ZMIZ1: variants seen among roughly 807,000 people sequenced by gnomAD.
ZMIZ1 encodes the protein zinc finger MIZ domain-containing protein 1.
A neutral mutation model predicts 113.9 loss-of-function variants in ZMIZ1; 17 were observed. That is an observed-to-expected ratio of 0.15 (90% confidence interval 0.10 to 0.22). The LOEUF (loss-of-function observed/expected upper bound fraction) is 0.22. ZMIZ1 is among the 10% of genes least tolerant of loss of function. ZMIZ1 has a pLI of 1.00. For synonymous variants in ZMIZ1, 607 were observed against 603.1 expected (o/e 1.01, Z -0.09); for missense variants, 1,059 against 1,477.8 (o/e 0.72, Z 4.65).
Position 79,122,009 on chromosome 10 carries a change from T to C in ZMIZ1, c.-227+2985T>C, listed in dbSNP as rs80197379. Reference sequence around the variant, plus strand: ...TAAATGAAAATGCAGAGCCCTTTGTTCATGAATTACAAAGGATTTCAAGAT... The same window carrying C: ...TAAATGAAAATGCAGAGCCCTTTGTCCATGAATTACAAAGGATTTCAAGAT... On this transcript the variant is annotated intron_variant, in intron 2 of 24. Transcript: ENST00000334512. 5.5e-3 allele frequency among the ~76,000 whole-genome samples: 840 copies of C among 151,530 alleles called. 6 individuals carry two copies. The highest frequency in any genetic ancestry group is 9.4e-3 in the Non-Finnish European group (638 of 67,780).
chr10:79,298,261 A>T, intron 14 of ZMIZ1, 145 bp from the exon 15 acceptor site: 1 of 930,712 alleles, frequency 1.1e-6, no homozygotes, highest in Non-Finnish European at 1.6e-6. Flanking sequence ...GAGATCTGCG[A>T]GAGAGAAGAG....
intron 7 of ZMIZ1, among the ~76,000 whole-genome samples, chr10:79,269,184 G>A (rs1053118282): frequency 6.6e-6 from 1 of 152,096 alleles, no homozygotes; most frequent in Non-Finnish European, 1.5e-5. Flanking sequence ...GCGGAGTGGC[G>A]CCACTCTCAC....
chr10:79,070,712 C>A (rs1842242850), intron 1 of ZMIZ1, among the ~76,000 whole-genome samples: 1 of 152,098 alleles, frequency 6.6e-6, no homozygotes, highest in African/African-American at 2.4e-5. Flanking sequence ...CCTTGCCTGA[C>A]CGGGGAGGCC....
chr10:79,102,506 G>A (rs1278285072), intron 1 of ZMIZ1, among the ~76,000 whole-genome samples: 1 of 152,226 alleles, frequency 6.6e-6, no homozygotes, highest in Non-Finnish European at 1.5e-5. Context: ...GGCTGCCCAG[G>A]GCCAGGAGCT....
intron 7 of ZMIZ1, among the ~76,000 whole-genome samples, chr10:79,265,835 T>C (rs1240159675): frequency 6.6e-6 from 1 of 152,196 alleles, no homozygotes; most frequent in Admixed American, 6.5e-5. Context: ...CTCAGAGTCC[T>C]GCAAGCATCG....
intron 4 of ZMIZ1, among the ~76,000 whole-genome samples, chr10:79,175,583 C>CGTGTGTGTGTGT (rs757004699): frequency 5.0e-4 from 63 of 125,378 alleles, no homozygotes; most frequent in African/African-American, 1.9e-3. Flanking sequence ...GTGCACTCTG[C>CGTGTGTGTGTGT]GTGTGTGTGT....
At chr10:79,208,814 A>C (rs902805936) in intron 6 of ZMIZ1, among the ~76,000 whole-genome samples, 1 of 152,170 alleles carries the variant, frequency 6.6e-6, no homozygotes, top group Non-Finnish European at 1.5e-5. Context: ...CTTAGCAAAC[A>C]TGTATGGAGC....
chr10:79,306,025 G>A (rs1350286866), intron 21 of ZMIZ1, 75 bp from the exon 22 acceptor site: 2 of 1,558,274 alleles, frequency 1.3e-6, no homozygotes, highest in Non-Finnish European at 1.7e-6. Context: ...CTGGGTGTCT[G>A]TCGGAGCTGG....
intron 9 of ZMIZ1, 49 bp from the exon 10 acceptor site, chr10:79,290,910 A>T (rs1284653740): frequency 6.2e-7 from 1 of 1,601,244 alleles, no homozygotes; most frequent in Non-Finnish European, 8.5e-7. Flanking sequence ...CTTCCTCTCC[A>T]CACTGCCTCG....
intron 7 of ZMIZ1, among the ~76,000 whole-genome samples, chr10:79,265,188 T>C (rs1052608573): frequency 6.6e-6 from 1 of 151,318 alleles, no homozygotes; most frequent in Non-Finnish European, 1.5e-5. Flanking sequence ...GTGCGAGGAG[T>C]GTTCCTAGAG....
At chr10:79,257,026 A>C (rs1850953519) in intron 7 of ZMIZ1, among the ~76,000 whole-genome samples, 1 of 152,166 alleles carries the variant, frequency 6.6e-6, no homozygotes, top group East Asian at 1.9e-4. Flanking sequence ...GCCTCCCCAG[A>C]CCCACATGAG....
chr10:79,233,837 C>T (rs77839884), intron 7 of ZMIZ1, among the ~76,000 whole-genome samples: 2 of 152,358 alleles, frequency 1.3e-5, no homozygotes, highest in South Asian at 4.1e-4. Flanking sequence ...AGTTTCCCCT[C>T]CTAGCTGCAG....
chr10:79,238,374 G>T (rs549142559), intron 7 of ZMIZ1, among the ~76,000 whole-genome samples: 2 of 152,174 alleles, frequency 1.3e-5, no homozygotes, highest in Admixed American at 1.3e-4. Context: ...TGGAGGATAC[G>T]CCCAGGAAGG....
intron 7 of ZMIZ1, among the ~76,000 whole-genome samples, chr10:79,269,050 T>C (rs4980055): frequency 0.19 from 28,190 of 151,886 alleles, 4,521 homozygotes; most frequent in African/African-American, 0.43. Context: ...TTCTAGTGGA[T>C]GTGGGAGCAG....
At chr10:79,173,816 C>T (rs567551985) in intron 4 of ZMIZ1, among the ~76,000 whole-genome samples, 11 of 152,254 alleles carry the variant, frequency 7.2e-5, no homozygotes, top group South Asian at 2.1e-4. Flanking sequence ...GTAATATGCT[C>T]GTGATCACAC....
chr10:79,234,264 G>A (rs12254349), intron 7 of ZMIZ1, among the ~76,000 whole-genome samples: 2,901 of 152,288 alleles, frequency 0.019, 50 homozygotes, highest in African/African-American at 0.048. Context: ...TGTGCCGTGT[G>A]TGGAGGGAGA....
chr10:79,085,148 G>C (rs902858678), intron 1 of ZMIZ1, among the ~76,000 whole-genome samples: 4 of 152,206 alleles, frequency 2.6e-5, no homozygotes, highest in Non-Finnish European at 5.9e-5. Flanking sequence ...CTGAGTGGGT[G>C]GGCACCATGT....
At chr10:79,297,890 G>C (rs143648181) in intron 14 of ZMIZ1, among the ~76,000 whole-genome samples, 200 bp downstream of exon 14, 4,880 of 152,222 alleles carry the variant, frequency 0.032, 131 homozygotes, top group Middle Eastern at 0.054. Context: ...CCAGGGTAAA[G>C]TGTCAGCCTG....
At chr10:79,302,266 T>C in intron 18 of ZMIZ1, 54 bp downstream of exon 18, 1 of 1,563,722 alleles carries the variant, frequency 6.4e-7, no homozygotes, top group Non-Finnish European at 8.8e-7. Flanking sequence ...CGCCTGAGTT[T>C]GGGACTGAGA....
Sources: allele counts gnomAD v4.1 joint callset (sites outside exome capture counted in the v4.1 genomes callset), GRCh38; gene constraint gnomAD v4.1.1; transcripts MANE v1.5; gene names NCBI Gene and HGNC (gene_info 2026-07-23, HGNC 2026-07-21).